Variants in XPR1 observed in about 807,000 individuals in gnomAD.
XPR1 encodes the protein xenotropic and polytropic retrovirus receptor 1, also known as solute carrier family 53 member 1.
In XPR1, 28 loss-of-function variants were observed where a neutral mutation model predicts 87.5. The observed-to-expected ratio is 0.32, with a 90% confidence interval of 0.24 to 0.44. XPR1 has a LOEUF of 0.44. Ranked by LOEUF, XPR1 falls within the 20% of genes least tolerant of loss-of-function variation. XPR1 has a pLI of 1.00. For missense variants in XPR1, 559 were observed against 862.3 expected (o/e 0.65, Z 4.41); for synonymous variants, 300 against 306.1 (o/e 0.98, Z 0.21).
In XPR1 at chr1:180,873,808, C is replaced by T. The variant is rs141109394; in HGVS notation, c.1674C>T (p.Tyr558=). 1.5e-4 allele frequency: 242 copies of T among 1,613,092 alleles called. No homozygotes were observed. The highest frequency in any genetic ancestry group is 1.8e-4 in the Non-Finnish European group (209 of 1,179,750). ...ATTTCTTTATTATTTCTCAGGCCTACTACTACTGTGCCATAATAGAGGATG... is the reference window on the plus strand; with the variant it reads ...ATTTCTTTATTATTTCTCAGGCCTATTACTACTGTGCCATAATAGAGGATG... ...REEIVYPQKA[Y]YYCAIIEDVI... is the part of the protein sequence containing the mutation. Residue 558 remains tyrosine, a synonymous_variant, in exon 13 of 15, where the codon TAC becomes TAT. Coordinates refer to ENST00000367590, the MANE Select transcript of XPR1 (RefSeq NM_004736.4).
chr1:180,737,632 C>T (rs1005148140), intron 2 of XPR1, among the ~76,000 whole-genome samples: 2 of 152,108 alleles, frequency 1.3e-5, no homozygotes, highest in Non-Finnish European at 1.5e-5. Flanking sequence ...ATGCATAACC[C>T]GCGCCAGCTG....
At chr1:180,678,535 A>G (rs895876532) in intron 1 of XPR1, among the ~76,000 whole-genome samples, 2 of 152,224 alleles carry the variant, frequency 1.3e-5, no homozygotes, top group African/African-American at 2.4e-5. Flanking sequence ...CAAATTCTGT[A>G]TAAGTAGTGA....
At chr1:180,657,174 C>A (rs1231014962) in intron 1 of XPR1, among the ~76,000 whole-genome samples, 1 of 151,940 alleles carries the variant, frequency 6.6e-6, no homozygotes, top group Non-Finnish European at 1.5e-5. Flanking sequence ...TGGTCCATTT[C>A]TTAATTGGAT....
At chr1:180,698,910 G>C (rs1408963085) in intron 2 of XPR1, among the ~76,000 whole-genome samples, 4 of 151,060 alleles carry the variant, frequency 2.6e-5, no homozygotes, top group African/African-American at 4.9e-5. Flanking sequence ...TACGTGACTT[G>C]ACAATTTTCT....
intron 2 of XPR1, among the ~76,000 whole-genome samples, chr1:180,749,905 A>T (rs1194203258): frequency 6.6e-6 from 1 of 152,212 alleles, no homozygotes; most frequent in African/African-American, 2.4e-5. Flanking sequence ...AACATACCGT[A>T]GTTAAAAGGG....
In XPR1 at chr1:180,888,051, A is replaced by G. The variant is rs1226126057; in HGVS notation, c.*3985A>G. 1 of 152,252 alleles carries G rather than the reference A, an allele frequency of 6.6e-6. No individual in the cohort carries two copies. The highest frequency in any genetic ancestry group is 1.5e-5 in the Non-Finnish European group (1 of 68,044). 9.4% of individuals were successfully genotyped at this position (152,252 alleles called of 1,614,324 possible). Reference sequence around the variant, plus strand: ...TGGACGTTGGCAGTAAGCCGCAGCAAGGCAGTTAGGAAAGTACGTGAGCCT... The same window carrying G: ...TGGACGTTGGCAGTAAGCCGCAGCAGGGCAGTTAGGAAAGTACGTGAGCCT... On this transcript the variant is annotated 3_prime_UTR_variant, in exon 15 of 15. Coordinates refer to ENST00000367590, the MANE Select transcript of XPR1 (RefSeq NM_004736.4).
At chr1:180,728,297 T>TGGC (rs1658427517) in intron 2 of XPR1, among the ~76,000 whole-genome samples, 1 of 94,436 alleles carries the variant, frequency 1.1e-5, no homozygotes, top group Non-Finnish European at 2.1e-5. Flanking sequence ...TGTTTATAAC[T>TGGC]GGGGGGGGGG....
In XPR1 at chr1:180,883,999, C is replaced by T. The variant is rs1652928146; in HGVS notation, c.2031-7C>T. ...TAAGTGCTTTTTGTCCCCCTTGTTACCACTAGATCCAAGGCTCGTGACACT... is the reference window on the plus strand; with the variant it reads ...TAAGTGCTTTTTGTCCCCCTTGTTATCACTAGATCCAAGGCTCGTGACACT... On this transcript the variant is annotated splice_region_variant and splice_polypyrimidine_tract_variant and intron_variant, in intron 14 of 14. Transcript: ENST00000367590. 6.2e-7 allele frequency: 1 copy of T among 1,613,686 alleles called. No homozygotes were observed. Among genetic ancestry groups the T allele is most frequent in the South Asian group, 1.1e-5 (1 of 91,024 alleles).
intron 6 of XPR1, among the ~76,000 whole-genome samples, chr1:180,807,707 T>G (rs1210859505): frequency 6.6e-6 from 1 of 152,170 alleles, no homozygotes; most frequent in African/African-American, 2.4e-5. Flanking sequence ...TAAGCAGATT[T>G]AAAAATTTAT....
intron 9 of XPR1, among the ~76,000 whole-genome samples, chr1:180,832,369 G>A (rs1651097030): frequency 6.6e-6 from 1 of 152,032 alleles, no homozygotes; most frequent in Admixed American, 6.6e-5. Context: ...AGCTTCTTTT[G>A]CTGTGCAGAA....
At chr1:180,684,233 C>T (rs888234829) in intron 2 of XPR1, among the ~76,000 whole-genome samples, 1 of 152,148 alleles carries the variant, frequency 6.6e-6, no homozygotes, top group Admixed American at 6.5e-5. Context: ...AATCCTTTCC[C>T]CATTGCTTGT....
At chr1:180,780,636 T>G (rs1240818104) in intron 2 of XPR1, among the ~76,000 whole-genome samples, 1 of 151,902 alleles carries the variant, frequency 6.6e-6, no homozygotes, top group Non-Finnish European at 1.5e-5. Context: ...GGCTTGGTGG[T>G]GGGCACCTGT....
intron 9 of XPR1, 147 bp from the exon 10 acceptor site, chr1:180,834,727 C>G (rs115952544): frequency 1.2e-6 from 1 of 830,418 alleles, no homozygotes; most frequent in Admixed American, 3.2e-5. Context: ...AACCTAGCCA[C>G]TGTTGCCAGG....
intron 11 of XPR1, among the ~76,000 whole-genome samples, chr1:180,855,519 G>C (rs1032128227): frequency 3.3e-5 from 5 of 151,918 alleles, no homozygotes; most frequent in Non-Finnish European, 7.4e-5. Context: ...ACAAAAATTA[G>C]CCGGGTGTGG....
At chr1:180,821,395 T>G (rs1650622171) in intron 7 of XPR1, among the ~76,000 whole-genome samples, 1 of 152,240 alleles carries the variant, frequency 6.6e-6, no homozygotes, top group Non-Finnish European at 1.5e-5. Context: ...CTCAGTGCTA[T>G]TCCATTCATC....
intron 3 of XPR1, among the ~76,000 whole-genome samples, chr1:180,800,524 C>T (rs1649740356): frequency 6.6e-6 from 1 of 152,240 alleles, no homozygotes; most frequent in Non-Finnish European, 1.5e-5. Context: ...GCCTAGCTAA[C>T]ACCTTGCGTT....
chr1:180,684,166 G>GT (rs1656682513), intron 2 of XPR1, among the ~76,000 whole-genome samples: 1 of 152,180 alleles, frequency 6.6e-6, no homozygotes, highest in Non-Finnish European at 1.5e-5. Flanking sequence ...AAGGGATCCA[G>GT]TTTCAGCTTT....
chr1:180,889,322 C>T lies in XPR1; in HGVS notation c.*5256C>T, dbSNP rs148513318. ...TCTACTAAGTACACAGTCTCGTATA[C>T]CTTCAAACCAGTTACTTGACTAAAC... On this transcript the variant is annotated 3_prime_UTR_variant, in exon 15 of 15. Transcript: ENST00000367590. 2 of 152,328 alleles carry T rather than the reference C, an allele frequency of 1.3e-5. No homozygotes were observed. Among genetic ancestry groups the T allele is most frequent in the African/African-American group, 4.8e-5 (2 of 41,566 alleles). 9.4% of individuals were successfully genotyped at this position (152,328 alleles called of 1,614,324 possible).
intron 1 of XPR1, among the ~76,000 whole-genome samples, chr1:180,654,075 A>G (rs1229956560): frequency 6.6e-6 from 1 of 152,192 alleles, no homozygotes; most frequent in East Asian, 1.9e-4. Context: ...GTTTACCTCA[A>G]AGAATTATAA....
Sources: gnomAD v4.1 joint callset for allele counts (sites outside exome capture counted in the v4.1 genomes callset) on GRCh38, gnomAD v4.1.1 for gene constraint, MANE v1.5 for transcripts, NCBI Gene and HGNC (gene_info 2026-07-23, HGNC 2026-07-21) for gene names.